AUTS2: variants seen among roughly 807,000 people sequenced by gnomAD.
AUTS2 encodes autism susceptibility gene 2 protein.
A neutral mutation model predicts 112.4 loss-of-function variants in AUTS2; 17 were observed. That is an observed-to-expected ratio of 0.15 (90% CI 0.10 to 0.23). The LOEUF (loss-of-function observed/expected upper bound fraction) is 0.23. Among genes scored for constraint, AUTS2 ranks in the 10% least tolerant of loss-of-function variants. The pLI is 1.00. For missense variants in AUTS2, 1,510 were observed against 1,701.6 expected (o/e 0.89, Z 1.98); for synonymous variants, 751 against 702.7 (o/e 1.07, Z -1.09).
intron 2 of AUTS2, among the ~76,000 whole-genome samples, chr7:69,946,292 G>A (rs1717200681): frequency 6.6e-6 from 1 of 152,104 alleles, no homozygotes; most frequent in African/African-American, 2.4e-5. Context: ...GTAGTAAAGG[G>A]GATCCTTGTA....
At chr7:70,162,831 C>A (rs1024793453) in intron 4 of AUTS2, among the ~76,000 whole-genome samples, 3 of 152,122 alleles carry the variant, frequency 2.0e-5, no homozygotes, top group Non-Finnish European at 1.5e-5. Flanking sequence ...ATTTGGTAAA[C>A]CTCTTTGAAA....
chr7:70,413,036 A>G (rs1447018997), intron 4 of AUTS2, among the ~76,000 whole-genome samples: 1 of 152,064 alleles, frequency 6.6e-6, no homozygotes, highest in Non-Finnish European at 1.5e-5. Flanking sequence ...TGTCCCAGCC[A>G]CCCCATGCCC....
chr7:70,663,187 G>T (rs1212478456), intron 5 of AUTS2, among the ~76,000 whole-genome samples: 3 of 152,196 alleles, frequency 2.0e-5, no homozygotes, highest in African/African-American at 4.8e-5. Context: ...TTGAGGCCAG[G>T]AGTTTGAGAC....
At chr7:69,903,706 C>G (rs1039953334) in intron 2 of AUTS2, among the ~76,000 whole-genome samples, 3 of 152,148 alleles carry the variant, frequency 2.0e-5, no homozygotes, top group African/African-American at 7.2e-5. Context: ...GCAGAATTTC[C>G]TAAAGAAAGA....
chr7:70,358,110 G>A (rs1451741219), intron 4 of AUTS2, among the ~76,000 whole-genome samples: 1 of 152,196 alleles, frequency 6.6e-6, no homozygotes, highest in Non-Finnish European at 1.5e-5. Context: ...CGTTACATCT[G>A]TTGATTTCTT....
intron 5 of AUTS2, among the ~76,000 whole-genome samples, chr7:70,599,586 T>G (rs1803370095): frequency 6.6e-6 from 1 of 152,222 alleles, no homozygotes; most frequent in South Asian, 2.1e-4. Flanking sequence ...ATATGCATTA[T>G]GACAGGTGGG....
chr7:70,550,669 T>C (rs932803213), intron 5 of AUTS2, among the ~76,000 whole-genome samples: 5 of 152,182 alleles, frequency 3.3e-5, no homozygotes, highest in African/African-American at 1.2e-4. Flanking sequence ...CTGATGCATG[T>C]GGTAATGGGT....
At chr7:70,504,250 T>A (rs1798879014) in intron 5 of AUTS2, among the ~76,000 whole-genome samples, 1 of 151,762 alleles carries the variant, frequency 6.6e-6, no homozygotes, top group Admixed American at 6.6e-5. Context: ...GTCCAGTCTT[T>A]AAATGGAGCC....
At chr7:69,972,671 ATGTG>A (rs769055659) in intron 2 of AUTS2, among the ~76,000 whole-genome samples, 152 of 85,312 alleles carry the variant, frequency 1.8e-3, no homozygotes, top group South Asian at 7.9e-3. Flanking sequence ...GTGTGCGTGC[ATGTG>A]TGTGTGTGTG....
At chr7:69,919,705 C>T (rs1795731919) in intron 2 of AUTS2, among the ~76,000 whole-genome samples, 1 of 152,076 alleles carries the variant, frequency 6.6e-6, no homozygotes, top group Non-Finnish European at 1.5e-5. Flanking sequence ...ATGTTGTATT[C>T]TTCTAACACT....
At chr7:70,308,572 A>G (rs747524259) in intron 4 of AUTS2, among the ~76,000 whole-genome samples, 56 of 152,336 alleles carry the variant, frequency 3.7e-4, no homozygotes, top group South Asian at 6.2e-4. Context: ...TGTTTACCAA[A>G]TATTGTCACT....
chr7:69,869,533 T>C (rs1052088639), intron 1 of AUTS2, among the ~76,000 whole-genome samples: 2 of 151,976 alleles, frequency 1.3e-5, no homozygotes, highest in African/African-American at 4.8e-5. Flanking sequence ...GGATCATATA[T>C]ATATATATAT....
rs552090829 is a variant in AUTS2, at chr7:69,659,552, A to G, written c.309+59590A>G. Among the ~76,000 whole-genome samples the G allele has an allele frequency of 3.9e-5, 4 of 103,896 alleles. 1 individual carries two copies. Among genetic ancestry groups the G allele is most frequent in the South Asian group, 3.4e-4 (1 of 2,984 alleles). 68.2% of individuals were successfully genotyped at this position (103,896 alleles called of 152,430 possible). A position where few individuals can be genotyped will look rare whatever the true frequency, so the allele number is the denominator to read the frequency against. On this transcript the variant is annotated intron_variant, in intron 1 of 18. Transcript: ENST00000342771. ...TCTGCATGATAGGGATAATATTCCT[A>G]TTTTATGGATGGGAAAGCTGAGGCT... is the stretch of plus-strand genomic sequence containing the variant.
chr7:70,434,900 T>A (rs565974064), intron 4 of AUTS2, among the ~76,000 whole-genome samples: 32 of 152,354 alleles, frequency 2.1e-4, no homozygotes, highest in African/African-American at 7.5e-4. Context: ...CCCCCAGTTT[T>A]TCATTGAATA....
At chr7:69,809,786 C>G (rs1013688762) in intron 1 of AUTS2, among the ~76,000 whole-genome samples, 3 of 152,154 alleles carry the variant, frequency 2.0e-5, no homozygotes, top group African/African-American at 7.2e-5. Context: ...TGCTTGTAAC[C>G]AATCAATACC....
At chr7:70,788,019 C>A (rs1463989308) in intron 18 of AUTS2, among the ~76,000 whole-genome samples, 1 of 152,044 alleles carries the variant, frequency 6.6e-6, no homozygotes, top group Non-Finnish European at 1.5e-5. Flanking sequence ...ATTTTGTTAA[C>A]CGTTGTCTCT....
intron 4 of AUTS2, among the ~76,000 whole-genome samples, chr7:70,335,196 A>C (rs1026113197): frequency 9.2e-5 from 14 of 152,134 alleles, no homozygotes; most frequent in African/African-American, 2.7e-4. Flanking sequence ...TTGTGGCATT[A>C]AGTTTCATTA....
intron 2 of AUTS2, among the ~76,000 whole-genome samples, chr7:69,915,722 TTTTA>T (rs766383795): frequency 6.6e-6 from 1 of 152,116 alleles, no homozygotes; most frequent in Admixed American, 6.5e-5. Flanking sequence ...GAATAGAAAT[TTTTA>T]TTTATTTATT....
chr7:69,670,607 G>A (rs1796277356), intron 1 of AUTS2, among the ~76,000 whole-genome samples: 1 of 146,886 alleles, frequency 6.8e-6, no homozygotes, highest in African/African-American at 2.5e-5. Flanking sequence ...TGGGTACCGT[G>A]GCACGTGCTG....
Sources: gnomAD v4.1 joint callset for allele counts (sites outside exome capture counted in the v4.1 genomes callset) on GRCh38, gnomAD v4.1.1 for gene constraint, MANE v1.5 for transcripts, NCBI Gene and HGNC (gene_info 2026-07-23, HGNC 2026-07-21) for gene names.